DPP10: variants seen among roughly 807,000 people sequenced by gnomAD.
DPP10 encodes the protein dipeptidyl peptidase like 10, also known as inactive dipeptidyl peptidase 10.
Under a neutral mutation model 120.9 loss-of-function variants are expected in DPP10, and 33 were observed. That is an observed-to-expected ratio of 0.27 (90% CI 0.21 to 0.37). The LOEUF (loss-of-function observed/expected upper bound fraction) is 0.37, where lower values mean the gene tolerates loss of function less well. DPP10 is among the 10% of genes least tolerant of loss of function. The probability of loss-of-function intolerance (pLI) is 1.00; values close to 1 mark genes in which losing one functional copy is unlikely to be tolerated. For synonymous variants in DPP10, 337 were observed against 326.1 expected (o/e 1.03, Z -0.36); for missense variants, 816 against 942.8 (o/e 0.87, Z 1.76).
chr2:115,631,207 C>G (rs997850601), intron 5 of DPP10, among the ~76,000 whole-genome samples: 1 of 151,972 alleles, frequency 6.6e-6, no homozygotes, highest in Admixed American at 6.6e-5. Flanking sequence ...AGTTTATTTG[C>G]ATAGGGGTAT....
intron 1 of DPP10, among the ~76,000 whole-genome samples, chr2:115,062,903 C>A (rs984516257): frequency 7.2e-5 from 11 of 152,080 alleles, no homozygotes; most frequent in Non-Finnish European, 1.3e-4. Context: ...TGGGTATATA[C>A]CCAGTAATGG....
chr2:115,251,744 G>T (rs1001228472), intron 1 of DPP10, among the ~76,000 whole-genome samples: 1 of 152,168 alleles, frequency 6.6e-6, no homozygotes, highest in African/African-American at 2.4e-5. Context: ...GCATAATTCT[G>T]TTCTAGGCAG....
intron 1 of DPP10, among the ~76,000 whole-genome samples, chr2:114,852,028 G>A (rs1033174397): frequency 6.6e-6 from 1 of 151,526 alleles, no homozygotes; most frequent in Admixed American, 6.6e-5. Flanking sequence ...GTGTATAGAG[G>A]GATTCATGAT....
At chr2:114,819,593 C>A (rs1346999603) in intron 1 of DPP10, among the ~76,000 whole-genome samples, 1 of 152,154 alleles carries the variant, frequency 6.6e-6, no homozygotes, top group South Asian at 2.1e-4. Context: ...TGTTTGATTG[C>A]TTGTTTAAAG....
At chr2:115,127,024 A>G (rs1450645165) in intron 1 of DPP10, among the ~76,000 whole-genome samples, 1 of 152,220 alleles carries the variant, frequency 6.6e-6, no homozygotes, top group African/African-American at 2.4e-5. Flanking sequence ...AAATGTAAAT[A>G]TTGTACCAGG....
chr2:115,650,692 C>T (rs531228958), intron 5 of DPP10, among the ~76,000 whole-genome samples: 6 of 152,138 alleles, frequency 3.9e-5, no homozygotes, highest in African/African-American at 9.6e-5. Flanking sequence ...CTCAGCTAGC[C>T]TCCATGAGTA....
intron 1 of DPP10, among the ~76,000 whole-genome samples, chr2:114,731,078 C>G (rs1449659980): frequency 2.6e-5 from 4 of 151,946 alleles, no homozygotes; most frequent in Non-Finnish European, 5.9e-5. Context: ...TCTTAATACA[C>G]TAATTCATTC....
intron 5 of DPP10, among the ~76,000 whole-genome samples, chr2:115,613,543 CAA>C (rs985550544): frequency 2.0e-5 from 3 of 152,138 alleles, no homozygotes; most frequent in Admixed American, 6.5e-5. Context: ...CACTGTGATT[CAA>C]AGAGATCCCC....
chr2:115,524,556 A>G (rs927902468), intron 4 of DPP10, among the ~76,000 whole-genome samples: 20 of 152,104 alleles, frequency 1.3e-4, no homozygotes, highest in African/African-American at 4.8e-4. Context: ...GCAAGGTTTC[A>G]TCACTTAGGC....
chr2:114,535,103 A>G (rs1686371307), intron 1 of DPP10, among the ~76,000 whole-genome samples: 1 of 151,428 alleles, frequency 6.6e-6, no homozygotes, highest in South Asian at 2.1e-4. Context: ...AAAAAAAAAC[A>G]TTGTTTATAA....
chr2:115,149,549 A>C lies in DPP10; in HGVS notation c.61-159690A>C, dbSNP rs78796963. On this transcript the variant is annotated intron_variant, in intron 1 of 25. Coordinates refer to ENST00000410059, the MANE Select transcript of DPP10 (RefSeq NM_020868.6). ...TCTTCATCCAGGTGGAGGCTTTTCA[A>C]GGTTAACTTTTGATTCCTCTTGAAC... Among the ~76,000 whole-genome samples, 434 of 152,298 alleles carry C rather than the reference A, an allele frequency of 2.8e-3. 2 individuals carry two copies. The highest frequency in any genetic ancestry group is 0.01 in the African/African-American group (421 of 41,554).
At chr2:114,785,614 A>T (rs146980882) in intron 1 of DPP10, among the ~76,000 whole-genome samples, 5 of 152,158 alleles carry the variant, frequency 3.3e-5, no homozygotes, top group African/African-American at 1.2e-4. Context: ...TGTGTCCCCA[A>T]ATCTCAACTC....
rs774475827 is a variant in DPP10 at position 115,790,140 on chromosome 2, C to T, written c.1532-941C>T. Among the ~76,000 whole-genome samples the T allele has an allele frequency of 2.1e-3, 311 of 148,824 alleles. 1 individual carries two copies. Among genetic ancestry groups the T allele is most frequent in the African/African-American group, 7.4e-3 (296 of 40,232 alleles). On this transcript the variant is annotated intron_variant, in intron 17 of 25. Transcript: ENST00000410059. ...CAGGCCGGACTGCGGACTGCAGTGG[C>T]GCAATCTCGGCTCACTGCAAGCTCC...
At chr2:115,782,826 C>T (rs1682926435) in intron 17 of DPP10, among the ~76,000 whole-genome samples, 1 of 151,974 alleles carries the variant, frequency 6.6e-6, no homozygotes, top group African/African-American at 2.4e-5. Flanking sequence ...TCCAGATATC[C>T]AGGTTCTTCT....
At chr2:114,959,196 T>C (rs1698432714) in intron 1 of DPP10, among the ~76,000 whole-genome samples, 1 of 152,244 alleles carries the variant, frequency 6.6e-6, no homozygotes, top group Non-Finnish European at 1.5e-5. Flanking sequence ...TTTATTGTGA[T>C]AAATTTACAT....
intron 1 of DPP10, among the ~76,000 whole-genome samples, chr2:114,489,400 G>T (rs1290713937): frequency 6.6e-6 from 1 of 152,186 alleles, no homozygotes; most frequent in Non-Finnish European, 1.5e-5. Context: ...AGCAGAAACA[G>T]CTGCATTTGC....
At chr2:114,658,960 G>A (rs1226677214) in intron 1 of DPP10, among the ~76,000 whole-genome samples, 4 of 152,122 alleles carry the variant, frequency 2.6e-5, no homozygotes, top group Non-Finnish European at 5.9e-5. Context: ...CTCCCATGCC[G>A]TTCTCGTGAT....
chr2:114,605,475 A>G (rs1447346716), intron 1 of DPP10, among the ~76,000 whole-genome samples: 1 of 152,128 alleles, frequency 6.6e-6, no homozygotes, highest in African/African-American at 2.4e-5. Flanking sequence ...TCTTAATAAC[A>G]CATTTCTTTA....
At chr2:114,928,891 C>T (rs533399959) in intron 1 of DPP10, among the ~76,000 whole-genome samples, 31 of 152,306 alleles carry the variant, frequency 2.0e-4, no homozygotes, top group Admixed American at 3.9e-4. Context: ...ATGCCTGGGG[C>T]TCTTTGAGCT....
Sources: allele counts gnomAD v4.1 joint callset (sites outside exome capture counted in the v4.1 genomes callset), GRCh38; gene constraint gnomAD v4.1.1; transcripts MANE v1.5; gene names NCBI Gene and HGNC (gene_info 2026-07-23, HGNC 2026-07-21).